IFT52: variants seen among roughly 807,000 people sequenced by gnomAD.
The protein encoded by IFT52 is intraflagellar transport protein 52 homolog.
In IFT52, 44 loss-of-function variants were observed where a neutral mutation model predicts 54.4. That is an observed-to-expected ratio of 0.81 (90% CI 0.63 to 1.04). The LOEUF (loss-of-function observed/expected upper bound fraction) is 1.04, where lower values mean the gene tolerates loss of function less well. IFT52 is among the 50% of genes least tolerant of loss of function. IFT52 has a pLI of 0.00. For synonymous variants in IFT52, 181 were observed against 185.3 expected (o/e 0.98, Z 0.19); for missense variants, 452 against 523.6 (o/e 0.86, Z 1.33).
In IFT52 at chr20:43,642,941, C is replaced by T. The variant is rs183844344; in HGVS notation, c.1266+317C>T. Among the ~76,000 whole-genome samples the T allele has an allele frequency of 5.9e-5, 9 of 151,642 alleles. No homozygotes were observed. The East Asian group carries it at 1.6e-3, about 26-fold the overall frequency. ...CAACACTTTGGGAGGCTGAGGTAGG[C>T]AGATCACCCGAGGTCAGGAGTTCGA... On this transcript the variant is annotated intron_variant, in intron 13 of 13. Coordinates refer to ENST00000373030, the MANE Select transcript of IFT52 (RefSeq NM_016004.5).
In IFT52 at chr20:43,604,198, A is replaced by G. The variant is rs1982674783; in HGVS notation, c.353A>G (p.Asn118Ser). The G allele has an allele frequency of 6.2e-7, 1 of 1,608,244 alleles. No individual in the cohort carries two copies. Reference sequence around the variant, plus strand: ...TCCCTCATAGATGCTGTGGTTAGAAATGTATATCACAAATATTTCCATCCT... The same window carrying G: ...TCCCTCATAGATGCTGTGGTTAGAAGTGTATATCACAAATATTTCCATCCT... Reference protein sequence around the residue: ...IMVNNDAVVRNVYHKYFHPKE... With the variant: ...IMVNNDAVVRSVYHKYFHPKE... Residue 118 changes from asparagine to serine, a missense_variant, in exon 5 of 14, where the codon AAT (asparagine) becomes AGT (serine). Asn to Ser is a conservative substitution (Grantham distance 46, BLOSUM62 1). Coordinates refer to ENST00000373030, the MANE Select transcript of IFT52 (RefSeq NM_016004.5).
intron 13 of IFT52, among the ~76,000 whole-genome samples, chr20:43,646,300 G>A (rs1488637360): frequency 1.3e-5 from 2 of 152,102 alleles, no homozygotes; most frequent in African/African-American, 4.8e-5. Flanking sequence ...CAAAATTCAA[G>A]CTTAGGATTT....
rs571151926 is a variant in IFT52 at position 43,605,185 on chromosome 20, G to A, written c.485+112G>A. The A allele has an allele frequency of 5.4e-6, 8 of 1,494,716 alleles. No homozygotes were observed. The Admixed American group carries it at 1.6e-4, about 30-fold the overall frequency. The allele number at this position is 1,494,716 out of a possible 1,614,324, so 92.6% of individuals were successfully genotyped here. A position where few individuals can be genotyped will look rare whatever the true frequency, so the allele number is the denominator to read the frequency against. ...TACAAAAATAATCAGAATTTGAACA[G>A]TTCAAGAGGAAAAAAGTAGAAGCTC... On this transcript the variant is annotated intron_variant, in intron 6 of 13. Coordinates refer to ENST00000373030, the MANE Select transcript of IFT52 (RefSeq NM_016004.5).
At chr20:43,607,428 G>A (rs1051006586) in intron 6 of IFT52, among the ~76,000 whole-genome samples, 1 of 151,354 alleles carries the variant, frequency 6.6e-6, no homozygotes, top group Admixed American at 6.6e-5. Flanking sequence ...CGGCTGCCGG[G>A]CGGAGGGGCT....
intron 10 of IFT52, among the ~76,000 whole-genome samples, chr20:43,629,028 T>A (rs892229879): frequency 6.6e-6 from 1 of 152,148 alleles, no homozygotes; most frequent in African/African-American, 2.4e-5. Flanking sequence ...TATGTTTTCC[T>A]CCAAACTTGT....
At chr20:43,610,435 T>C (rs1225901941) in intron 6 of IFT52, among the ~76,000 whole-genome samples, 1 of 152,086 alleles carries the variant, frequency 6.6e-6, no homozygotes, top group Non-Finnish European at 1.5e-5. Flanking sequence ...TATTTTTGAC[T>C]GTCAAGAATC....
chr20:43,614,499 C>T (rs1600479699), intron 7 of IFT52, among the ~76,000 whole-genome samples: 1 of 151,876 alleles, frequency 6.6e-6, no homozygotes, highest in Non-Finnish European at 1.5e-5. Flanking sequence ...GCCTTGGCCT[C>T]CCGAAGTGCT....
At chr20:43,619,082 T>TA (rs751454324) in intron 8 of IFT52, 56 bp downstream of exon 8, 9 of 1,240,358 alleles carry the variant, frequency 7.3e-6, no homozygotes, top group South Asian at 2.5e-5. Context: ...TCATGTCATT[T>TA]AAAAAAATAC....
intron 7 of IFT52, among the ~76,000 whole-genome samples, chr20:43,616,232 C>T (rs936771003): frequency 6.6e-6 from 1 of 151,988 alleles, no homozygotes; most frequent in Non-Finnish European, 1.5e-5. Context: ...TTGGGCTGAG[C>T]GTGGTGGCTC....
chr20:43,607,594 G>A (rs183891982), intron 6 of IFT52, among the ~76,000 whole-genome samples: 85 of 139,818 alleles, frequency 6.1e-4, no homozygotes, highest in African/African-American at 2.0e-3. Context: ...GAGATGCTCC[G>A]CACTTCCTAA....
intron 10 of IFT52, among the ~76,000 whole-genome samples, chr20:43,628,688 T>A (rs1050617004): frequency 6.6e-6 from 1 of 152,052 alleles, no homozygotes; most frequent in Admixed American, 6.6e-5. Context: ...CTGTCTCTAC[T>A]AAAAACACAA....
chr20:43,626,465 C>T (rs1375068657), intron 10 of IFT52, among the ~76,000 whole-genome samples: 4 of 151,826 alleles, frequency 2.6e-5, no homozygotes, highest in East Asian at 1.9e-4. Context: ...AGGCTGGTCT[C>T]GAACTCCTAA....
At chr20:43,626,872 CAG>C (rs1171134636) in intron 10 of IFT52, among the ~76,000 whole-genome samples, 7 of 152,108 alleles carry the variant, frequency 4.6e-5, no homozygotes, top group African/African-American at 1.4e-4. Flanking sequence ...TAGGAAGAAA[CAG>C]AAAATCCAGC....
At chr20:43,623,610 C>A (rs1300415131) in intron 9 of IFT52, among the ~76,000 whole-genome samples, 1 of 152,138 alleles carries the variant, frequency 6.6e-6, no homozygotes, top group Admixed American at 6.6e-5. Context: ...ATTAAAAGAC[C>A]AGTTGATAGG....
intron 9 of IFT52, among the ~76,000 whole-genome samples, chr20:43,622,848 A>G (rs1223692854): frequency 1.3e-5 from 2 of 150,780 alleles, no homozygotes; most frequent in East Asian, 3.9e-4. Flanking sequence ...ATATAAATAT[A>G]TACATATATT....
chr20:43,628,635 G>A (rs757403850), intron 10 of IFT52, among the ~76,000 whole-genome samples: 1 of 152,062 alleles, frequency 6.6e-6, no homozygotes, highest in Non-Finnish European at 1.5e-5. Context: ...AGCGGATCAC[G>A]AGGTCAGGAG....
intron 6 of IFT52, among the ~76,000 whole-genome samples, chr20:43,605,398 T>C (rs928895928): frequency 1.1e-4 from 17 of 152,084 alleles, no homozygotes; most frequent in African/African-American, 3.6e-4. Context: ...AATACAAAAA[T>C]TAGCCAGGCG....
At chr20:43,641,102 C>T (rs1985890282) in intron 12 of IFT52, among the ~76,000 whole-genome samples, 1 of 151,292 alleles carries the variant, frequency 6.6e-6, no homozygotes, top group Non-Finnish European at 1.5e-5. Context: ...TAATGGCTGT[C>T]TATCCTACAT....
chr20:43,630,012 G>A (rs559440452), intron 10 of IFT52, among the ~76,000 whole-genome samples: 1 of 152,300 alleles, frequency 6.6e-6, no homozygotes, highest in East Asian at 1.9e-4. Flanking sequence ...ACTGTAGGAG[G>A]TGAGGGTGCT....
Sources: allele counts gnomAD v4.1 joint callset (sites outside exome capture counted in the v4.1 genomes callset), GRCh38; gene constraint gnomAD v4.1.1; transcripts MANE v1.5; gene names NCBI Gene and HGNC (gene_info 2026-07-23, HGNC 2026-07-21).